The following MTF1 variants were observed in gnomAD, a reference collection of about 807,000 sequenced individuals.
MTF1 encodes metal regulatory transcription factor 1.
MTF1 carries 22 observed loss-of-function variants against 70.4 expected under a neutral mutation model. The ratio of observed to expected loss-of-function variants is 0.31; its 90% CI spans 0.22 to 0.45. The LOEUF (loss-of-function observed/expected upper bound fraction) is 0.45. Ranked by LOEUF, MTF1 falls within the 20% of genes least tolerant of loss-of-function variation. The pLI, the probability that MTF1 is intolerant of heterozygous loss-of-function variation, is 1.00. For synonymous variants in MTF1, 333 were observed against 352.8 expected, an observed-to-expected ratio of 0.94 and a Z score of 0.63; for missense variants, 649 against 922.0, an observed-to-expected ratio of 0.70 and a Z score of 3.83.
intron 2 of MTF1, among the ~76,000 whole-genome samples, chr1:37,846,895 A>T (rs1033805877): frequency 1.3e-5 from 2 of 152,162 alleles, no homozygotes; most frequent in Non-Finnish European, 2.9e-5. Context: ...GCTTCTGGGC[A>T]CCTAGCACAT....
intron 3 of MTF1, 60 bp from the exon 4 acceptor site, chr1:37,838,816 T>TTTTTTTTTTTTTTTTTTTTTTG: frequency 8.1e-7 from 1 of 1,232,294 alleles, no homozygotes; most frequent in Non-Finnish European, 1.1e-6. Flanking sequence ...TTTTTTTTTT[T>TTTTTTTTTTTTTTTTTTTTTTG]TTTCTGAGAC....
Position 37,810,915 on chromosome 1 carries a change from A to C in MTF1, c.*4221T>G, listed in dbSNP as rs1442910761. 2 of 152,430 alleles carry C rather than the reference A, an allele frequency of 1.3e-5. No homozygotes were observed. The highest frequency in any genetic ancestry group is 2.9e-5 in the Non-Finnish European group (2 of 68,030). The allele number at this position is 152,430 out of a possible 1,614,324, so 9.4% of individuals were successfully genotyped here. On this transcript the variant is annotated 3_prime_UTR_variant, in exon 11 of 11. Coordinates refer to ENST00000373036, the MANE Select transcript of MTF1 (RefSeq NM_005955.3). ...ATGGGGAGCAGTATGGAAATGGCTCATGTTGCCCCCTGCCACCCATGCCTC... is the reference window on the plus strand; with the variant it reads ...ATGGGGAGCAGTATGGAAATGGCTCCTGTTGCCCCCTGCCACCCATGCCTC...
Position 37,814,933 on chromosome 1 carries a change from T to G in MTF1, c.*203A>C, listed in dbSNP as rs1640791660. On this transcript the variant is annotated 3_prime_UTR_variant, in exon 11 of 11. Transcript: ENST00000373036. ...TTATAACTTAGCTTTTTTTGTTGTTTTTTTTGTTTTTTGTTTTTTTCCAAA... is the reference window on the plus strand; with the variant it reads ...TTATAACTTAGCTTTTTTTGTTGTTGTTTTTGTTTTTTGTTTTTTTCCAAA... The G allele has an allele frequency of 1.8e-6, 1 of 553,832 alleles. No individual in the cohort carries two copies. The highest frequency in any genetic ancestry group is 2.9e-5 in the East Asian group (1 of 33,944). 34.3% of individuals were successfully genotyped at this position (553,832 alleles called of 1,614,324 possible).
rs943755404 is a variant in MTF1, at chr1:37,812,409, T to A, written c.*2727A>T. Reference sequence around the variant, plus strand: ...CCACTCACTGGCATTTTAAGCACATTCCTGATTTTTCAAAAGCTGATTGGA... The same window carrying A: ...CCACTCACTGGCATTTTAAGCACATACCTGATTTTTCAAAAGCTGATTGGA... On this transcript the variant is annotated 3_prime_UTR_variant, in exon 11 of 11. Transcript: ENST00000373036. 1 of 152,260 alleles carries A rather than the reference T, an allele frequency of 6.6e-6. No homozygotes were observed. The highest frequency in any genetic ancestry group is 2.4e-5 in the African/African-American group (1 of 41,466). The allele number at this position is 152,260 out of a possible 1,614,324, so 9.4% of individuals were successfully genotyped here.
At chr1:37,825,460 C>T (rs1002488923) in intron 7 of MTF1, among the ~76,000 whole-genome samples, 2 of 152,118 alleles carry the variant, frequency 1.3e-5, no homozygotes, top group Non-Finnish European at 1.5e-5. Flanking sequence ...TGGTCTGGAA[C>T]TCCTGGGCTC....
intron 2 of MTF1, among the ~76,000 whole-genome samples, chr1:37,842,738 G>A (rs899222696): frequency 6.6e-6 from 1 of 151,076 alleles, no homozygotes; most frequent in Non-Finnish European, 1.5e-5. Context: ...TTTTTTGTTT[G>A]AGACAGAGAA....
chr1:37,857,989 C>T (rs1444931435), intron 1 of MTF1, among the ~76,000 whole-genome samples: 2 of 134,404 alleles, frequency 1.5e-5, no homozygotes, highest in Admixed American at 1.6e-4. Flanking sequence ...TCAGCCTGGT[C>T]AACATAGTGA....
rs1452933853 is a variant in MTF1 at position 37,812,938 on chromosome 1, C to CAA, written c.*2197_*2198insTT. ...AACTTCTGCTGAGGTCAATGGTCAA[C>CAA]AGAAGCCACAATCCTTTTGGGGAAG... is the stretch of plus-strand genomic sequence containing the variant. On this transcript the variant is annotated 3_prime_UTR_variant, in exon 11 of 11. Transcript: ENST00000373036. 6.6e-6 allele frequency: 1 copy of CAA among 152,216 alleles called. No homozygotes were observed. Among genetic ancestry groups the CAA allele is most frequent in the Non-Finnish European group, 1.5e-5 (1 of 68,062 alleles). The allele number at this position is 152,216 out of a possible 1,614,324, so 9.4% of individuals were successfully genotyped here.
chr1:37,829,549 G>A (rs1199126523), intron 7 of MTF1, among the ~76,000 whole-genome samples: 3 of 151,884 alleles, frequency 2.0e-5, no homozygotes, highest in African/African-American at 2.4e-5. Context: ...TTGGGAGTCC[G>A]AGACGGGCGG....
chr1:37,819,946 T>C lies in MTF1; in HGVS notation c.1767+2175A>G, dbSNP rs559830551. On this transcript the variant is annotated intron_variant, in intron 9 of 10. Transcript: ENST00000373036. ...CAGCCTAGGCAACAGAGCAAGACTC[T>C]GACTCAAAAAAAAAAAAAAAAAAAA... 3.1e-3 allele frequency among the ~76,000 whole-genome samples: 258 copies of C among 82,212 alleles called. 1 individual carries two copies. The highest frequency in any genetic ancestry group is 0.013 in the African/African-American group (249 of 18,696). The allele number at this position is 82,212 out of a possible 152,430, so 53.9% of individuals were successfully genotyped here.
intron 7 of MTF1, among the ~76,000 whole-genome samples, chr1:37,824,926 T>C (rs1420832034): frequency 6.6e-6 from 1 of 152,142 alleles, no homozygotes; most frequent in African/African-American, 2.4e-5. Flanking sequence ...CACAATGTCC[T>C]GAGGGCCTGC....
intron 7 of MTF1, among the ~76,000 whole-genome samples, chr1:37,825,811 AT>A (rs1019679329): frequency 4.1e-4 from 63 of 152,086 alleles, no homozygotes; most frequent in African/African-American, 1.4e-3. Flanking sequence ...TTTTCTTAAC[AT>A]TTTTTTTTTT....
intron 2 of MTF1, among the ~76,000 whole-genome samples, chr1:37,855,783 C>T (rs755272716): frequency 2.6e-5 from 4 of 152,096 alleles, no homozygotes; most frequent in Admixed American, 6.5e-5. Flanking sequence ...ATGGTGAAAC[C>T]TCATTTCTAC....
intron 2 of MTF1, among the ~76,000 whole-genome samples, chr1:37,852,592 T>C (rs1243280628): frequency 3.3e-5 from 5 of 152,112 alleles, no homozygotes; most frequent in Non-Finnish European, 7.3e-5. Flanking sequence ...CTCAACAAAT[T>C]TGGGAAAATG....
Position 37,821,652 on chromosome 1 carries a change from C to T in MTF1, c.1767+469G>A, listed in dbSNP as rs529334197. Among the ~76,000 whole-genome samples, 116 of 152,232 alleles carry T rather than the reference C, an allele frequency of 7.6e-4. 1 individual carries two copies. The highest frequency in any genetic ancestry group is 2.7e-3 in the African/African-American group (113 of 41,542). On this transcript the variant is annotated intron_variant, in intron 9 of 10. Coordinates refer to ENST00000373036, the MANE Select transcript of MTF1 (RefSeq NM_005955.3). ...CAAGTCATTTCCCTAGTCATCAAGA[C>T]CAAGTACTTCCTCAGAAAATGATTC... is the stretch of plus-strand genomic sequence containing the variant.
chr1:37,851,547 A>T (rs147295016), intron 2 of MTF1, among the ~76,000 whole-genome samples: 3 of 152,326 alleles, frequency 2.0e-5, no homozygotes, highest in Non-Finnish European at 1.5e-5. Flanking sequence ...TGATCCCTGG[A>T]AATTAGATCT....
intron 4 of MTF1, among the ~76,000 whole-genome samples, chr1:37,838,135 AC>A (rs1249229646): frequency 1.3e-5 from 2 of 152,162 alleles, no homozygotes; most frequent in African/African-American, 2.4e-5. Context: ...CAACTGCACC[AC>A]TAAGCTAAGC....
rs28459620 is a variant in MTF1, at chr1:37,828,489, G to A, written c.1068+3756C>T. On this transcript the variant is annotated intron_variant, in intron 7 of 10. Transcript: ENST00000373036. The stretch of plus-strand genomic sequence containing the variant: ...CCGGCTAATTTTTGTATTTTTAGTA[G>A]AGACGGAGTTTAGCCATGCTGGCCA... 5.4e-3 allele frequency among the ~76,000 whole-genome samples: 826 copies of A among 152,280 alleles called. 5 individuals carry two copies. The highest frequency in any genetic ancestry group is 0.019 in the African/African-American group (799 of 41,556).
chr1:37,857,464 T>G lies in MTF1; in HGVS notation c.195A>C (p.Gly65=). The change falls in exon 2 of 11, where the codon GGA becomes GGC. Residue 65 remains glycine, a synonymous_variant. Transcript: ENST00000373036. The part of the protein sequence containing the change: ...PGTLEDEDDD[G]QCGEHLPFLV... ...GAAAAGGCAAGTGTTCTCCGCACTG[T>G]CCGTCGTCATCTTCATCCTCCAAAG... 6.2e-7 allele frequency: 1 copy of G among 1,614,206 alleles called. No individual in the cohort carries two copies.
Sources: allele counts gnomAD v4.1 joint callset (sites outside exome capture counted in the v4.1 genomes callset), GRCh38; gene constraint gnomAD v4.1.1; transcripts MANE v1.5; gene names NCBI Gene and HGNC (gene_info 2026-07-23, HGNC 2026-07-21).